Variants in CERS4 observed in about 807,000 individuals in gnomAD.
CERS4 encodes LAG1 homolog, ceramide synthase 4.
In CERS4, 65 loss-of-function variants were observed where a neutral mutation model predicts 51.8. That is an observed-to-expected ratio of 1.26 (90% CI 1.03 to 1.54). The LOEUF (loss-of-function observed/expected upper bound fraction) is 1.54. Ranked by LOEUF, CERS4 falls within the 40% of genes most tolerant of loss-of-function variation. The probability of loss-of-function intolerance (pLI) is 0.00; values close to 1 mark genes in which losing one functional copy is unlikely to be tolerated. For missense variants in CERS4, 563 were observed against 500.4 expected (o/e 1.13, Z -1.19); for synonymous variants, 228 against 208.4 (o/e 1.09, Z -0.81).
In CERS4 at chr19:8,258,001, C is replaced by T. The variant is rs771493622; in HGVS notation, c.848+16C>T. The stretch of plus-strand genomic sequence containing the variant: ...TTCCCACCCAGTGAGTCAGCCCTCC[C>T]ATGGGGGTCAGGGAGGTGGGAGGGC... On this transcript the variant is annotated intron_variant, in intron 10 of 11. Coordinates refer to ENST00000251363, the MANE Select transcript of CERS4 (RefSeq NM_024552.3). 2.5e-6 allele frequency: 4 copies of T among 1,593,910 alleles called. No individual in the cohort carries two copies. Among genetic ancestry groups the T allele is most frequent in the East Asian group, 4.5e-5 (2 of 44,798 alleles).
Position 8,228,567 on chromosome 19 carries a change from C to T in CERS4, c.-2+17705C>T, listed in dbSNP as rs28874708. Among the ~76,000 whole-genome samples the T allele has an allele frequency of 6.6e-3, 997 of 151,912 alleles. 15 individuals are homozygous for T. The highest frequency in any genetic ancestry group is 0.023 in the African/African-American group (947 of 41,412). ...GTAGGTGCCTGTAATCCCAGCTACG[C>T]AGCAGGCTGAGGCAGGAGAATTGCT... is the stretch of plus-strand genomic sequence containing the variant. On this transcript the variant is annotated intron_variant, in intron 2 of 11. Transcript: ENST00000251363.
At chr19:8,255,193 G>A (rs1256980201) in intron 4 of CERS4, among the ~76,000 whole-genome samples, 2 of 152,070 alleles carry the variant, frequency 1.3e-5, no homozygotes, top group South Asian at 2.1e-4. Flanking sequence ...GGCAGCTTCC[G>A]CAGAGCTAGA....
chr19:8,255,652 C>A lies in CERS4; in HGVS notation c.337C>A (p.Gln113Lys). The A allele has an allele frequency of 6.2e-7, 1 of 1,613,104 alleles. No homozygotes were observed. ...CGCCCAGTGTGGCCTCACGCTGCAG[C>A]AGACCCAGCGATGGTTCCGGAGACG... ...LAAQCGLTLQ[Q>K]TQRWFRRRRN... Residue 113 changes from glutamine to lysine, a missense_variant, in exon 5 of 12, where the codon CAG becomes AAG. Transcript: ENST00000251363.
intron 2 of CERS4, among the ~76,000 whole-genome samples, chr19:8,216,925 C>A (rs1390980116): frequency 6.6e-6 from 1 of 152,076 alleles, no homozygotes; most frequent in Non-Finnish European, 1.5e-5. Flanking sequence ...TACTTTATGA[C>A]TTTGGATGAC....
chr19:8,236,156 C>G (rs533792128), intron 2 of CERS4, among the ~76,000 whole-genome samples: 1 of 152,244 alleles, frequency 6.6e-6, no homozygotes, highest in South Asian at 2.1e-4. Context: ...GATCGCGCCA[C>G]TGCACTCCGG....
At chr19:8,223,012 G>T (rs909015090) in intron 2 of CERS4, among the ~76,000 whole-genome samples, 5 of 152,116 alleles carry the variant, frequency 3.3e-5, no homozygotes, top group Non-Finnish European at 7.4e-5. Flanking sequence ...AAAATGGAGA[G>T]GTCCTAATCA....
chr19:8,245,111 C>CAAAAAAAAAA (rs74179480), intron 2 of CERS4, among the ~76,000 whole-genome samples: 44 of 21,732 alleles, frequency 2.0e-3, no homozygotes, highest in African/African-American at 4.4e-3. Flanking sequence ...GACTCCATCT[C>CAAAAAAAAAA]AAAAAAAAAA....
intron 2 of CERS4, chr19:8,240,482 C>T (rs990079439): frequency 2.6e-5 from 4 of 152,188 alleles, no homozygotes; most frequent in Admixed American, 2.0e-4. Flanking sequence ...CCCCTTCCTT[C>T]CAGCATGTCA....
At chr19:8,255,801 C>T in intron 5 of CERS4, 21 bp from the exon 6 acceptor site, 1 of 1,613,876 alleles carries the variant, frequency 6.2e-7, no homozygotes, top group African/African-American at 1.3e-5. Flanking sequence ...GCTATTTTCA[C>T]AGCTCCCTCC....
At chr19:8,212,466 T>C (rs974853751) in intron 2 of CERS4, among the ~76,000 whole-genome samples, 4 of 151,860 alleles carry the variant, frequency 2.6e-5, no homozygotes, top group African/African-American at 7.3e-5. Context: ...CGGCGTAGGA[T>C]GGGCTTTAAA....
chr19:8,242,872 T>C lies in CERS4; in HGVS notation c.-1-8204T>C, dbSNP rs962466013. ...CAAGGCTTGAGATTGTGAGAAGCCA[T>C]TGCTCCTGTGGTTCTCCCTCATCCC... On this transcript the variant is annotated intron_variant, in intron 2 of 11. Coordinates refer to ENST00000251363, the MANE Select transcript of CERS4 (RefSeq NM_024552.3). Among the ~76,000 whole-genome samples, 15 of 152,160 alleles carry C rather than the reference T, an allele frequency of 9.9e-5. 1 individual carries two copies. Among genetic ancestry groups the C allele is most frequent in the Admixed American group, 8.5e-4 (13 of 15,252 alleles).
intron 2 of CERS4, among the ~76,000 whole-genome samples, chr19:8,237,787 C>T (rs1376361428): frequency 6.6e-6 from 1 of 151,450 alleles, no homozygotes; most frequent in Non-Finnish European, 1.5e-5. Flanking sequence ...GGAGGTGGAG[C>T]TTGCAGTGAG....
At chr19:8,253,449 C>CTTTTTTT (rs35212733) in intron 3 of CERS4, among the ~76,000 whole-genome samples, 144 of 74,058 alleles carry the variant, frequency 1.9e-3, no homozygotes, top group African/African-American at 7.0e-3. Flanking sequence ...GTCCAGCTGC[C>CTTTTTTT]TTTTTTTTTT....
intron 2 of CERS4, among the ~76,000 whole-genome samples, chr19:8,249,560 C>T (rs992965850): frequency 6.7e-6 from 1 of 148,950 alleles, no homozygotes; most frequent in Admixed American, 6.8e-5. Context: ...GCCTACCTTC[C>T]ATAGATGGCC....
chr19:8,239,410 AAGAAAAAG>A (rs1410731786), intron 2 of CERS4: 1 of 33,262 alleles, frequency 3.0e-5, no homozygotes, highest in Non-Finnish European at 7.3e-5. Flanking sequence ...AAAAAAAAAA[AAGAAAAAG>A]AAAAAAGAAA....
intron 2 of CERS4, among the ~76,000 whole-genome samples, chr19:8,213,597 T>C (rs1038082): frequency 0.82 from 125,249 of 152,086 alleles, 52,446 homozygotes; most frequent in African/African-American, 0.9. Flanking sequence ...CATGAGCCAC[T>C]GTGCCTGGCC....
At chr19:8,217,377 A>AT (rs956204102) in intron 2 of CERS4, among the ~76,000 whole-genome samples, 17 of 151,064 alleles carry the variant, frequency 1.1e-4, no homozygotes, top group Non-Finnish European at 2.4e-4. Context: ...TCGTTTTTTA[A>AT]TTTTTTTTTG....
Position 8,236,691 on chromosome 19 carries a change from AAAAAAAAAAAG to A in CERS4, c.-1-14381_-1-14371del, listed in dbSNP as rs1374890018. On this transcript the variant is annotated intron_variant, in intron 2 of 11. Coordinates refer to ENST00000251363, the MANE Select transcript of CERS4 (RefSeq NM_024552.3). ...CAGGCCCTGTCTTCTAAAAAAAAAA[AAAAAAAAAAAG>A]AAAGAAAGAAAAAACAGGGCTGGGC... Among the ~76,000 whole-genome samples the A allele has an allele frequency of 4.7e-5, 5 of 106,422 alleles. No individual in the cohort carries two copies. In the East Asian group the frequency reaches 1.1e-3, roughly 23 times the overall value. 69.8% of individuals were successfully genotyped at this position (106,422 alleles called of 152,430 possible).
intron 3 of CERS4, among the ~76,000 whole-genome samples, chr19:8,252,466 T>A (rs1969139297): frequency 6.7e-6 from 1 of 149,174 alleles, no homozygotes; most frequent in Admixed American, 6.7e-5. Flanking sequence ...TGAGACAGAG[T>A]CTTGCTCTTT....
Sources: allele counts gnomAD v4.1 joint callset (sites outside exome capture counted in the v4.1 genomes callset), GRCh38; gene constraint gnomAD v4.1.1; transcripts MANE v1.5; gene names NCBI Gene and HGNC (gene_info 2026-07-23, HGNC 2026-07-21).